The following SPAG16 variants were observed in gnomAD, a reference collection of about 807,000 sequenced individuals.
SPAG16 encodes the protein sperm-associated antigen 16 protein.
A neutral mutation model predicts 80.4 loss-of-function variants in SPAG16; 86 were observed. That is an observed-to-expected ratio of 1.07 (90% CI 0.90 to 1.28). The LOEUF (loss-of-function observed/expected upper bound fraction) is 1.28, where lower values mean the gene tolerates loss of function less well. Among genes scored for constraint, SPAG16 ranks in the 50% most tolerant of loss-of-function variants. The pLI is 0.00. For missense variants in SPAG16, 870 were observed against 765.3 expected, an observed-to-expected ratio of 1.14 and a Z score of -1.61; for synonymous variants, 294 against 265.9, an observed-to-expected ratio of 1.11 and a Z score of -1.03.
chr2:213,952,733 G>A (rs1189779952), intron 12 of SPAG16, among the ~76,000 whole-genome samples: 1 of 152,048 alleles, frequency 6.6e-6, no homozygotes, highest in African/African-American at 2.4e-5. Flanking sequence ...GCTAAGAAAT[G>A]TAAGGAATAC....
At chr2:213,303,269 A>G (rs1482847652) in intron 3 of SPAG16, among the ~76,000 whole-genome samples, 2 of 151,540 alleles carry the variant, frequency 1.3e-5, no homozygotes, top group South Asian at 2.1e-4. Context: ...TTAATTTTTA[A>G]TTTTTGAGGA....
rs116686713 is a variant in SPAG16 at position 214,029,863 on chromosome 2, A to G, written c.1527+15786A>G. ...TTTATTTTTGGAATTGCACTTGTTT[A>G]ATGTATACAATTTGATGAATTTGGA... On this transcript the variant is annotated intron_variant, in intron 13 of 15. Coordinates refer to ENST00000331683, the MANE Select transcript of SPAG16 (RefSeq NM_024532.5). Among the ~76,000 whole-genome samples, 1,168 of 152,236 alleles carry G rather than the reference A, an allele frequency of 7.7e-3. 7 individuals are homozygous for G. Among genetic ancestry groups the G allele is most frequent in the Non-Finnish European group, 0.012 (800 of 67,994 alleles).
intron 10 of SPAG16, among the ~76,000 whole-genome samples, chr2:213,605,089 A>G (rs934143226): frequency 1.3e-5 from 2 of 151,934 alleles, no homozygotes; most frequent in Admixed American, 6.6e-5. Flanking sequence ...TGATTTGTGG[A>G]ATATTTCATG....
chr2:214,405,973 G>A (rs1197140332), intron 15 of SPAG16, among the ~76,000 whole-genome samples: 1 of 152,162 alleles, frequency 6.6e-6, no homozygotes. Context: ...AGTAAACCTG[G>A]ATGACAAAGA....
chr2:213,822,842 C>T (rs532257612), intron 10 of SPAG16, among the ~76,000 whole-genome samples: 1 of 152,198 alleles, frequency 6.6e-6, no homozygotes, highest in African/African-American at 2.4e-5. Flanking sequence ...TTTTCTGTTC[C>T]TGTGTTAGTT....
chr2:213,699,635 G>A (rs906616861), intron 10 of SPAG16, among the ~76,000 whole-genome samples: 4 of 152,138 alleles, frequency 2.6e-5, no homozygotes, highest in Non-Finnish European at 5.9e-5. Context: ...CCCTGGAAAT[G>A]TATATACCCT....
intron 13 of SPAG16, among the ~76,000 whole-genome samples, chr2:214,059,534 T>C (rs2050147380): frequency 6.6e-6 from 1 of 151,938 alleles, no homozygotes; most frequent in African/African-American, 2.4e-5. Context: ...TACCTGGCCT[T>C]TTCTAATTTA....
chr2:213,827,932 GGATCTTCTCTTTATCCTT>G (rs2073400490), intron 10 of SPAG16, among the ~76,000 whole-genome samples: 1 of 151,988 alleles, frequency 6.6e-6, no homozygotes. Flanking sequence ...GCTGCTTTTA[GGATCTTCTCTTTATCCTT>G]GATCTTTGGA....
intron 15 of SPAG16, among the ~76,000 whole-genome samples, chr2:214,393,208 G>A (rs922014813): frequency 3.9e-5 from 6 of 152,046 alleles, no homozygotes; most frequent in Admixed American, 6.6e-5. Flanking sequence ...ACATATTTTC[G>A]TGAATCTCAG....
At chr2:213,949,904 A>G (rs886560871) in intron 12 of SPAG16, among the ~76,000 whole-genome samples, 1 of 152,204 alleles carries the variant, frequency 6.6e-6, no homozygotes, top group Non-Finnish European at 1.5e-5. Context: ...TCTTTCCTGA[A>G]TAAGTATACT....
At chr2:214,140,763 G>A (rs1251146267) in intron 14 of SPAG16, among the ~76,000 whole-genome samples, 3 of 151,538 alleles carry the variant, frequency 2.0e-5, no homozygotes, top group Non-Finnish European at 2.9e-5. Context: ...TTAGGAATTA[G>A]CATTTAATGA....
intron 12 of SPAG16, among the ~76,000 whole-genome samples, chr2:213,946,206 C>T (rs1316871051): frequency 1.3e-5 from 2 of 152,066 alleles, no homozygotes; most frequent in African/African-American, 2.4e-5. Context: ...CCTCTGCCTC[C>T]CGGGTTCAAG....
chr2:214,163,670 A>G (rs2056542429), intron 15 of SPAG16, among the ~76,000 whole-genome samples: 1 of 151,694 alleles, frequency 6.6e-6, no homozygotes, highest in South Asian at 2.1e-4. Flanking sequence ...AGAGAGGAAA[A>G]GATTTATTTT....
intron 12 of SPAG16, among the ~76,000 whole-genome samples, chr2:213,983,409 T>G (rs1395703672): frequency 3.3e-5 from 5 of 152,026 alleles, no homozygotes; most frequent in Non-Finnish European, 5.9e-5. Flanking sequence ...ACTGTGGTAT[T>G]GTCATCTTTG....
intron 10 of SPAG16, among the ~76,000 whole-genome samples, chr2:213,564,489 T>C (rs1316319865): frequency 6.8e-6 from 1 of 147,084 alleles, no homozygotes; most frequent in Non-Finnish European, 1.5e-5. Flanking sequence ...AGTGGGACTC[T>C]GTCTTAAAAA....
intron 10 of SPAG16, among the ~76,000 whole-genome samples, chr2:213,641,246 C>T (rs1256006080): frequency 1.3e-5 from 2 of 152,156 alleles, no homozygotes; most frequent in Non-Finnish European, 2.9e-5. Flanking sequence ...AGGCCTCACC[C>T]AGCTCCCAGG....
intron 10 of SPAG16, among the ~76,000 whole-genome samples, chr2:213,532,779 A>G (rs2076116819): frequency 6.6e-6 from 1 of 152,142 alleles, no homozygotes; most frequent in African/African-American, 2.4e-5. Flanking sequence ...CTGAATTTCT[A>G]AAACTTGAAT....
intron 9 of SPAG16, among the ~76,000 whole-genome samples, chr2:213,453,185 AT>A (rs2071804494): frequency 6.6e-6 from 1 of 152,122 alleles, no homozygotes; most frequent in African/African-American, 2.4e-5. Flanking sequence ...ATCATTCTTG[AT>A]CAATATTTAT....
At chr2:214,002,958 T>G (rs1471450696) in intron 12 of SPAG16, among the ~76,000 whole-genome samples, 1 of 152,114 alleles carries the variant, frequency 6.6e-6, no homozygotes, top group Non-Finnish European at 1.5e-5. Context: ...ATTATCGCAT[T>G]GAGAATATTA....
Sources: allele counts gnomAD v4.1 joint callset (sites outside exome capture counted in the v4.1 genomes callset), GRCh38; gene constraint gnomAD v4.1.1; transcripts MANE v1.5; gene names NCBI Gene and HGNC (gene_info 2026-07-23, HGNC 2026-07-21).